Variants in HERC4 observed in about 807,000 individuals in gnomAD.
HERC4 encodes the protein HECT and RLD domain containing E3 ubiquitin protein ligase 4.
A neutral mutation model predicts 124.3 loss-of-function variants in HERC4; 28 were observed. The observed-to-expected ratio is 0.23, with a 90% CI of 0.17 to 0.31. The LOEUF is 0.31. Among genes scored for constraint, HERC4 ranks in the 10% least tolerant of loss-of-function variants. The pLI, the probability that HERC4 is intolerant of heterozygous loss-of-function variation, is 1.00. For missense variants in HERC4, 713 were observed against 1,229.3 expected, an observed-to-expected ratio of 0.58 and a Z score of 6.28; for synonymous variants, 407 against 421.5, an observed-to-expected ratio of 0.97 and a Z score of 0.42.
At chr10:67,926,769 C>T (rs73261366) in intron 23 of HERC4, among the ~76,000 whole-genome samples, 4,776 of 152,332 alleles carry the variant, frequency 0.031, 244 homozygotes, top group African/African-American at 0.11. Context: ...AGCTCACCGT[C>T]TAGTAAGAGG....
In HERC4 at chr10:67,936,218, A is replaced by G; in HGVS notation, c.2589T>C (p.Phe863=). The stretch of plus-strand genomic sequence containing the variant: ...CCAGCTCTTTCACTTCTGTTGCACC[A>G]AAGTTTTCAACTGTGATCTATTAAT... ...CLNFTITVEN[F]GATEVKELVL... Residue 863 remains phenylalanine (F), a synonymous_variant, in exon 22 of 25, where the codon TTT becomes TTC. Transcript: ENST00000373700. The G allele has an allele frequency of 1.3e-6, 2 of 1,599,016 alleles. No homozygotes were observed. The highest frequency in any genetic ancestry group is 1.3e-5 in the African/African-American group (1 of 74,520).
At chr10:68,047,925 T>C (rs761269749) in intron 3 of HERC4, among the ~76,000 whole-genome samples, 11 of 149,982 alleles carry the variant, frequency 7.3e-5, no homozygotes, top group Non-Finnish European at 1.2e-4. Context: ...AATGTTTTGT[T>C]TTTGTTTTTT....
At chr10:67,960,221 T>C (rs1366771197) in intron 16 of HERC4, among the ~76,000 whole-genome samples, 4 of 152,338 alleles carry the variant, frequency 2.6e-5, no homozygotes, top group South Asian at 4.1e-4. Flanking sequence ...ATACTCTGTA[T>C]TGTTACACAT....
At chr10:67,959,423 A>T (rs1374161728) in intron 16 of HERC4, among the ~76,000 whole-genome samples, 1 of 152,132 alleles carries the variant, frequency 6.6e-6, no homozygotes, top group Admixed American at 6.5e-5. Flanking sequence ...TGCAGAATTT[A>T]GGCAGAATAA....
chr10:67,980,173 G>A (rs1009308739), intron 15 of HERC4, among the ~76,000 whole-genome samples: 7 of 152,126 alleles, frequency 4.6e-5, no homozygotes, highest in Admixed American at 2.6e-4. Context: ...GTGCAATGGC[G>A]CGATCTCGGC....
At chr10:68,003,339 T>G (rs1265095107) in intron 9 of HERC4, among the ~76,000 whole-genome samples, 12 of 148,374 alleles carry the variant, frequency 8.1e-5, no homozygotes, top group South Asian at 2.2e-4. Context: ...TTTTTTTTTT[T>G]TTTTTTTGTA....
chr10:68,032,256 C>T (rs2039246201), intron 7 of HERC4, among the ~76,000 whole-genome samples: 2 of 152,172 alleles, frequency 1.3e-5, no homozygotes, highest in Non-Finnish European at 2.9e-5. Context: ...TCAATTGGCA[C>T]ATACCCAAGA....
At chr10:67,937,083 T>C (rs188751420) in intron 21 of HERC4, among the ~76,000 whole-genome samples, 387 of 152,116 alleles carry the variant, frequency 2.5e-3, no homozygotes, top group African/African-American at 9.1e-3. Flanking sequence ...CACCTACAAG[T>C]AGGGGTAGTA....
intron 16 of HERC4, 96 bp from the exon 17 acceptor site, chr10:67,957,072 T>C: frequency 1.6e-6 from 1 of 626,770 alleles, no homozygotes; most frequent in Non-Finnish European, 2.7e-6. Context: ...CATTCTTTGT[T>C]TATTCACTCA....
At chr10:68,021,066 A>C (rs980602329) in intron 8 of HERC4, among the ~76,000 whole-genome samples, 3 of 152,200 alleles carry the variant, frequency 2.0e-5, no homozygotes, top group Non-Finnish European at 4.4e-5. Context: ...AATATGGGGA[A>C]AGACATGAAT....
At position 67,936,140 on chromosome 10, in the gene HERC4, A is replaced by T; in HGVS notation, c.2654+13T>A. The T allele has an allele frequency of 6.4e-7, 1 of 1,552,100 alleles. No individual in the cohort carries two copies. The highest frequency in any genetic ancestry group is 1.2e-5 in the South Asian group (1 of 81,618). ...TCTTATTACTCCCACTGTTGCTGCT[A>T]AAATTCACTTACCGATTTTGTTTGT... is the stretch of plus-strand genomic sequence containing the variant. On this transcript the variant is annotated intron_variant, in intron 22 of 24. Coordinates refer to ENST00000373700, the MANE Select transcript of HERC4 (RefSeq NM_015601.4).
At chr10:67,955,342 G>A in intron 17 of HERC4, 1 of 461,104 alleles carries the variant, frequency 2.2e-6, no homozygotes, top group Non-Finnish European at 3.8e-6. Context: ...AATGTATAAT[G>A]TATAACTCAT....
At chr10:67,983,408 G>A (rs2036054572) in intron 15 of HERC4, among the ~76,000 whole-genome samples, 1 of 152,118 alleles carries the variant, frequency 6.6e-6, no homozygotes, top group African/African-American at 2.4e-5. Context: ...TATCATACAG[G>A]TATTTGCACT....
At chr10:68,014,753 C>T (rs1207703405) in intron 8 of HERC4, among the ~76,000 whole-genome samples, 2 of 152,084 alleles carry the variant, frequency 1.3e-5, no homozygotes, top group African/African-American at 4.8e-5. Context: ...CCTAAGAAAC[C>T]ACAGATCTGA....
intron 4 of HERC4, 147 bp downstream of exon 4, chr10:68,044,257 G>A (rs1589407844): frequency 1.6e-6 from 1 of 636,212 alleles, no homozygotes; most frequent in East Asian, 3.0e-5. Context: ...AACATCATAA[G>A]CAAGAACCAA....
In HERC4 at chr10:67,921,927, C is replaced by G. The variant is rs2030250156; in HGVS notation, c.*1004G>C. On this transcript the variant is annotated 3_prime_UTR_variant, in exon 25 of 25. Coordinates refer to ENST00000373700, the MANE Select transcript of HERC4 (RefSeq NM_015601.4). ...AAGTTTAAATATTAAAACAATAAAT[C>G]TTTATTAAACAGTTTTCACGGCATT... is the stretch of plus-strand genomic sequence containing the variant. 6.6e-6 allele frequency: 1 copy of G among 151,936 alleles called. No individual in the cohort carries two copies. Among genetic ancestry groups the G allele is most frequent in the South Asian group, 2.1e-4 (1 of 4,822 alleles). The allele number at this position is 151,936 out of a possible 1,614,324, so 9.4% of individuals were successfully genotyped here.
chr10:67,924,045 CAAAAAG>C (rs745584499), intron 24 of HERC4, among the ~76,000 whole-genome samples: 46 of 151,480 alleles, frequency 3.0e-4, no homozygotes, highest in African/African-American at 9.4e-4. Flanking sequence ...AGTCTTGAAG[CAAAAAG>C]AAAAAGAAAA....
At chr10:67,997,250 T>C (rs1278805586) in intron 9 of HERC4, among the ~76,000 whole-genome samples, 4 of 152,178 alleles carry the variant, frequency 2.6e-5, no homozygotes, top group African/African-American at 9.7e-5. Flanking sequence ...TAATATAAAA[T>C]GCTATTCTTT....
At chr10:68,000,124 C>G (rs1364639343) in intron 9 of HERC4, among the ~76,000 whole-genome samples, 1 of 152,088 alleles carries the variant, frequency 6.6e-6, no homozygotes, top group Non-Finnish European at 1.5e-5. Flanking sequence ...TCTCAAAGTG[C>G]TGGGATTACA....
Sources: allele counts gnomAD v4.1 joint callset (sites outside exome capture counted in the v4.1 genomes callset), GRCh38; gene constraint gnomAD v4.1.1; transcripts MANE v1.5; gene names NCBI Gene and HGNC (gene_info 2026-07-23, HGNC 2026-07-21).